The following MAGI2 variants were observed in gnomAD, a reference collection of about 807,000 sequenced individuals.
MAGI2 encodes membrane associated guanylate kinase, WW and PDZ domain containing 2.
Under a neutral mutation model 133.3 loss-of-function variants are expected in MAGI2, and 35 were observed. That is an observed-to-expected ratio of 0.26 (90% CI 0.20 to 0.35). The LOEUF (loss-of-function observed/expected upper bound fraction) is 0.35, where lower values mean the gene tolerates loss of function less well. Ranked by LOEUF, MAGI2 falls within the 10% of genes least tolerant of loss-of-function variation. MAGI2 has a pLI of 1.00. For synonymous variants in MAGI2, 729 were observed against 710.6 expected, an observed-to-expected ratio of 1.03 and a Z score of -0.41; for missense variants, 1,636 against 1,863.4, an observed-to-expected ratio of 0.88 and a Z score of 2.25.
chr7:79,168,887 T>TAG (rs1291048662), intron 1 of MAGI2, among the ~76,000 whole-genome samples: 3 of 7,438 alleles, frequency 4.0e-4, no homozygotes, highest in Non-Finnish European at 2.0e-3. Flanking sequence ...TTTCTAAAGA[T>TAG]AGATATATAT....
chr7:78,559,992 T>C (rs1261914617), intron 3 of MAGI2, among the ~76,000 whole-genome samples: 1 of 152,012 alleles, frequency 6.6e-6, no homozygotes, highest in Non-Finnish European at 1.5e-5. Flanking sequence ...GGTATCTACA[T>C]GGGGACTTAC....
chr7:79,352,721 A>C (rs1393713141), intron 1 of MAGI2, among the ~76,000 whole-genome samples: 1 of 152,210 alleles, frequency 6.6e-6, no homozygotes, highest in African/African-American at 2.4e-5. Flanking sequence ...AGACAACCTC[A>C]TCCCAACAGA....
chr7:78,545,362 A>T (rs1798747631), intron 3 of MAGI2, among the ~76,000 whole-genome samples: 1 of 151,700 alleles, frequency 6.6e-6, no homozygotes, highest in Non-Finnish European at 1.5e-5. Flanking sequence ...ACAGGCACGC[A>T]CCACCATGCC....
At chr7:79,377,127 C>A (rs1384316533) in intron 1 of MAGI2, among the ~76,000 whole-genome samples, 1 of 151,826 alleles carries the variant, frequency 6.6e-6, no homozygotes, top group Non-Finnish European at 1.5e-5. Flanking sequence ...TTCTTCATAA[C>A]TAACGACTAC....
At chr7:78,284,300 T>C (rs1342454590) in intron 9 of MAGI2, among the ~76,000 whole-genome samples, 3 of 152,058 alleles carry the variant, frequency 2.0e-5, no homozygotes, top group African/African-American at 7.2e-5. Context: ...TGTTTAAAAA[T>C]AGAGAACTAT....
intron 1 of MAGI2, among the ~76,000 whole-genome samples, chr7:79,167,019 TA>T (rs1180153182): frequency 6.6e-6 from 1 of 152,092 alleles, no homozygotes. Flanking sequence ...TGTGTATTAA[TA>T]AGCTCTTTGA....
intron 13 of MAGI2, chr7:78,185,391 C>G (rs775273277): frequency 1.1e-4 from 39 of 359,084 alleles, no homozygotes; most frequent in Non-Finnish European, 1.8e-4. Context: ...CAGCCTTTTA[C>G]TAGAGTATTT....
chr7:78,532,888 A>C (rs545182040), intron 3 of MAGI2, among the ~76,000 whole-genome samples: 1 of 152,286 alleles, frequency 6.6e-6, no homozygotes, highest in African/African-American at 2.4e-5. Flanking sequence ...AAACCAATCT[A>C]ATGACAAAGA....
chr7:78,460,760 C>T (rs140118310), intron 6 of MAGI2, among the ~76,000 whole-genome samples: 2 of 152,298 alleles, frequency 1.3e-5, no homozygotes, highest in East Asian at 1.9e-4. Flanking sequence ...AGTGAAAATG[C>T]TATATAACCT....
At chr7:78,221,359 C>T (rs1788811018) in intron 10 of MAGI2, among the ~76,000 whole-genome samples, 1 of 152,186 alleles carries the variant, frequency 6.6e-6, no homozygotes, top group Non-Finnish European at 1.5e-5. Context: ...ACCTCTTTCT[C>T]ACTATGTGAA....
intron 2 of MAGI2, among the ~76,000 whole-genome samples, chr7:78,810,361 T>A (rs1463156436): frequency 6.6e-6 from 1 of 152,142 alleles, no homozygotes; most frequent in Non-Finnish European, 1.5e-5. Context: ...CTAGAATCAA[T>A]ACCTATGTAT....
intron 6 of MAGI2, among the ~76,000 whole-genome samples, chr7:78,380,813 A>G (rs1794855528): frequency 6.6e-6 from 1 of 152,182 alleles, no homozygotes; most frequent in Non-Finnish European, 1.5e-5. Context: ...ATTATTATGC[A>G]TTGCACGCCG....
At chr7:78,163,581 T>TTAAC (rs1204429266) in intron 15 of MAGI2, among the ~76,000 whole-genome samples, 6 of 152,282 alleles carry the variant, frequency 3.9e-5, no homozygotes, top group Admixed American at 3.9e-4. Flanking sequence ...ACCAGTACAT[T>TTAAC]TAACTATTGG....
chr7:78,426,908 AACAG>A (rs1388595977), intron 6 of MAGI2, among the ~76,000 whole-genome samples: 10 of 152,186 alleles, frequency 6.6e-5, no homozygotes, highest in East Asian at 1.9e-4. Flanking sequence ...TACAAATAAA[AACAG>A]ACAAATAATG....
chr7:78,830,551 C>T (rs561084569), intron 2 of MAGI2, among the ~76,000 whole-genome samples: 1 of 152,108 alleles, frequency 6.6e-6, no homozygotes, highest in Admixed American at 6.5e-5. Flanking sequence ...AAACTAGAAA[C>T]ACAATTTAAT....
intron 11 of MAGI2, among the ~76,000 whole-genome samples, chr7:78,195,782 T>C (rs960083995): frequency 1.3e-5 from 2 of 152,194 alleles, no homozygotes; most frequent in South Asian, 2.1e-4. Context: ...CACCATAAGA[T>C]AGAGAAGGCA....
At chr7:78,790,837 G>A (rs376074488) in intron 2 of MAGI2, among the ~76,000 whole-genome samples, 5 of 152,306 alleles carry the variant, frequency 3.3e-5, no homozygotes, top group African/African-American at 1.2e-4. Context: ...ATGTACGTAA[G>A]TGTCATAGGT....
At chr7:79,192,232 A>C (rs1015230373) in intron 1 of MAGI2, among the ~76,000 whole-genome samples, 1 of 151,726 alleles carries the variant, frequency 6.6e-6, no homozygotes, top group Admixed American at 6.6e-5. Context: ...TTTTTTATCT[A>C]TTGTCAGTAT....
intron 1 of MAGI2, among the ~76,000 whole-genome samples, chr7:79,268,784 C>A (rs1050562567): frequency 6.6e-6 from 1 of 152,066 alleles, no homozygotes; most frequent in Non-Finnish European, 1.5e-5. Flanking sequence ...GTCAACACCA[C>A]CAGAAAGAAA....
Sources: allele counts gnomAD v4.1 joint callset (sites outside exome capture counted in the v4.1 genomes callset), GRCh38; gene constraint gnomAD v4.1.1; transcripts MANE v1.5; gene names NCBI Gene and HGNC (gene_info 2026-07-23, HGNC 2026-07-21).